TYW1B: variants seen among roughly 807,000 people sequenced by gnomAD.
The protein encoded by TYW1B is S-adenosyl-L-methionine-dependent tRNA 4-demethylwyosine synthase TYW1B.
Under a neutral mutation model 86.9 loss-of-function variants are expected in TYW1B, and 73 were observed. That is an observed-to-expected ratio of 0.84 (90% CI 0.70 to 1.02). The LOEUF is 1.02. TYW1B is among the 50% of genes least tolerant of loss of function. The pLI is 0.00. For synonymous variants in TYW1B, 248 were observed against 292.8 expected (o/e 0.85, Z 1.56); for missense variants, 637 against 827.4 (o/e 0.77, Z 2.82).
chr7:72,786,118 G>A (rs4717685), intron 6 of TYW1B, among the ~76,000 whole-genome samples: 119,313 of 151,536 alleles, frequency 0.79, 47,179 homozygotes, highest in Non-Finnish European at 0.8. Flanking sequence ...AAAAAAAAGA[G>A]AAGAAAAAAC....
At chr7:72,610,605 G>A (rs1204330313) in intron 13 of TYW1B, among the ~76,000 whole-genome samples, 1 of 152,102 alleles carries the variant, frequency 6.6e-6, no homozygotes, top group East Asian at 1.9e-4. Context: ...AACAGTTGCT[G>A]GACCTGAGGG....
At chr7:72,607,019 G>A (rs1254757298) in intron 13 of TYW1B, among the ~76,000 whole-genome samples, 5 of 152,158 alleles carry the variant, frequency 3.3e-5, no homozygotes, top group Non-Finnish European at 7.3e-5. Flanking sequence ...AGATGCCAAC[G>A]TGGTATGTGT....
intron 13 of TYW1B, among the ~76,000 whole-genome samples, chr7:72,610,938 A>T (rs1386705592): frequency 2.0e-5 from 3 of 152,162 alleles, no homozygotes; most frequent in Non-Finnish European, 4.4e-5. Flanking sequence ...AATAGGGAAA[A>T]TGACATTTAG....
rs1787267576 is a variant in TYW1B at position 72,739,634 on chromosome 7, G to A, written c.1082+4850C>T. ...AAAAAAAAAAAAAAGTGGGTAGAGG[G>A]GTTAACAAAGGTCTCAGTAGGTACA... is the stretch of plus-strand genomic sequence containing the variant. On this transcript the variant is annotated intron_variant, in intron 8 of 13. Coordinates refer to ENST00000620995, the MANE Select transcript of TYW1B (RefSeq NM_001145440.3). Among the ~76,000 whole-genome samples the A allele has an allele frequency of 3.3e-5, 5 of 150,168 alleles. No individual in the cohort carries two copies. The South Asian group carries it at 8.5e-4, about 26-fold the overall frequency.
chr7:72,666,088 C>G (rs181315054), intron 11 of TYW1B, among the ~76,000 whole-genome samples: 2 of 152,142 alleles, frequency 1.3e-5, no homozygotes, highest in African/African-American at 4.8e-5. Context: ...CAAACTTAAA[C>G]TTACATCTAA....
At chr7:72,683,729 C>T (rs1554448780) in intron 11 of TYW1B, among the ~76,000 whole-genome samples, 2 of 152,154 alleles carry the variant, frequency 1.3e-5, no homozygotes, top group African/African-American at 4.8e-5. Context: ...ACAAGGCACA[C>T]TAAAAGGCAA....
intron 7 of TYW1B, among the ~76,000 whole-genome samples, chr7:72,753,383 T>C (rs1787533016): frequency 6.6e-6 from 1 of 151,880 alleles, no homozygotes; most frequent in Non-Finnish European, 1.5e-5. Flanking sequence ...CAGTAGAGTA[T>C]CATTACCATG....
intron 7 of TYW1B, among the ~76,000 whole-genome samples, chr7:72,761,150 A>G (rs1787679458): frequency 6.6e-6 from 1 of 152,324 alleles, no homozygotes; most frequent in Non-Finnish European, 1.5e-5. Context: ...GTTCAATTAA[A>G]TAATAAATAC....
intron 9 of TYW1B, among the ~76,000 whole-genome samples, chr7:72,719,137 T>A (rs1402080177): frequency 6.6e-6 from 1 of 151,762 alleles, no homozygotes; most frequent in East Asian, 1.9e-4. Flanking sequence ...AACTGAAAAA[T>A]AAATTCAATT....
At chr7:72,651,412 G>A (rs563237134) in intron 11 of TYW1B, among the ~76,000 whole-genome samples, 123 of 152,310 alleles carry the variant, frequency 8.1e-4, no homozygotes, top group African/African-American at 2.8e-3. Flanking sequence ...GAGGTCAGGA[G>A]TTCGAAATCA....
intron 7 of TYW1B, among the ~76,000 whole-genome samples, chr7:72,770,402 C>A (rs1405073657): frequency 2.4e-5 from 3 of 124,698 alleles, no homozygotes; most frequent in African/African-American, 6.1e-5. Context: ...GTACTCCAGG[C>A]TGGCAACAGA....
At chr7:72,737,783 ACTT>A (rs1417201983) in intron 8 of TYW1B, among the ~76,000 whole-genome samples, 1 of 114,832 alleles carries the variant, frequency 8.7e-6, no homozygotes, top group African/African-American at 3.2e-5. Flanking sequence ...GTCACATTTT[ACTT>A]CTTTTTTTTT....
chr7:72,623,199 G>A (rs868984757), intron 12 of TYW1B, among the ~76,000 whole-genome samples: 12 of 152,284 alleles, frequency 7.9e-5, no homozygotes, highest in African/African-American at 1.7e-4. Flanking sequence ...ATACACATAC[G>A]TGTGTGTTTC....
At chr7:72,800,896 A>G (rs567444698) in intron 6 of TYW1B, among the ~76,000 whole-genome samples, 2 of 152,264 alleles carry the variant, frequency 1.3e-5, no homozygotes, top group East Asian at 3.9e-4. Context: ...CTTATATATT[A>G]AGAGAACTGA....
At position 72,816,192 on chromosome 7, in the gene TYW1B, C is replaced by T. The variant is rs551143971; in HGVS notation, c.136-711G>A. Among the ~76,000 whole-genome samples, 307 of 152,202 alleles carry T rather than the reference C, an allele frequency of 2.0e-3. 3 individuals are homozygous for T. Among genetic ancestry groups the T allele is most frequent in the Non-Finnish European group, 3.1e-3 (213 of 68,010 alleles). The stretch of plus-strand genomic sequence containing the variant: ...AGGAATTCGAGACCAGCCTGACCAA[C>T]ATGGTAAAACCCCGTCTCTACTAAA... On this transcript the variant is annotated intron_variant, in intron 2 of 13. Coordinates refer to ENST00000620995, the MANE Select transcript of TYW1B (RefSeq NM_001145440.3).
At chr7:72,749,083 T>G (rs1180221788) in intron 7 of TYW1B, among the ~76,000 whole-genome samples, 1 of 152,198 alleles carries the variant, frequency 6.6e-6, no homozygotes, top group Admixed American at 6.6e-5. Context: ...GGGAGGCTTT[T>G]AATTACAAAA....
chr7:72,695,942 T>C (rs1228700611), intron 10 of TYW1B, among the ~76,000 whole-genome samples: 1 of 115,962 alleles, frequency 8.6e-6, no homozygotes, highest in Non-Finnish European at 1.6e-5. Context: ...ACTATACTTT[T>C]TCTTTTCTTT....
At chr7:72,648,567 C>A (rs1198174180) in intron 11 of TYW1B, among the ~76,000 whole-genome samples, 1 of 149,560 alleles carries the variant, frequency 6.7e-6, no homozygotes, top group African/African-American at 2.5e-5. Flanking sequence ...AAAAAAAATT[C>A]TCCTGCTTAA....
intron 11 of TYW1B, among the ~76,000 whole-genome samples, chr7:72,666,477 A>T (rs1813465272): frequency 6.6e-6 from 1 of 152,108 alleles, no homozygotes; most frequent in South Asian, 2.1e-4. Flanking sequence ...AATACTATAA[A>T]TTTGAAAAAT....
Sources: allele counts gnomAD v4.1 joint callset (sites outside exome capture counted in the v4.1 genomes callset), GRCh38; gene constraint gnomAD v4.1.1; transcripts MANE v1.5; gene names NCBI Gene and HGNC (gene_info 2026-07-23, HGNC 2026-07-21).